RRAS2: variants seen among roughly 807,000 people sequenced by gnomAD.
The protein encoded by RRAS2 is RAS related 2.
Under a neutral mutation model 27.6 loss-of-function variants are expected in RRAS2, and 7 were observed. That is an observed-to-expected ratio of 0.25 (90% confidence interval 0.14 to 0.48). The LOEUF is 0.48. Among genes scored for constraint, RRAS2 ranks in the 20% least tolerant of loss-of-function variants. The probability of loss-of-function intolerance (pLI) is 0.99; values close to 1 mark genes in which losing one functional copy is unlikely to be tolerated. For missense variants in RRAS2, 178 were observed against 256.2 expected (o/e 0.69, Z 2.08); for synonymous variants, 86 against 90.9 (o/e 0.95, Z 0.31).
At chr11:14,353,110 T>A (rs1469094796) in intron 1 of RRAS2, among the ~76,000 whole-genome samples, 1 of 152,160 alleles carries the variant, frequency 6.6e-6, no homozygotes, top group African/African-American at 2.4e-5. Flanking sequence ...AAATTTTTTT[T>A]AATAGCTTTA....
At chr11:14,281,580 A>T (rs2133943014) in intron 5 of RRAS2, 22 bp downstream of exon 5, 1 of 1,539,186 alleles carries the variant, frequency 6.5e-7, no homozygotes, top group Non-Finnish European at 8.8e-7. Flanking sequence ...TAAAACACAC[A>T]TCTAGAATGT....
intron 1 of RRAS2, among the ~76,000 whole-genome samples, chr11:14,299,418 T>C (rs1449652145): frequency 1.3e-5 from 2 of 152,250 alleles, no homozygotes; most frequent in Non-Finnish European, 2.9e-5. Flanking sequence ...ACTTAAGATC[T>C]GTACACTTTT....
At chr11:14,285,972 A>G (rs1441360838) in intron 4 of RRAS2, among the ~76,000 whole-genome samples, 4 of 151,736 alleles carry the variant, frequency 2.6e-5, no homozygotes, top group Non-Finnish European at 5.9e-5. Context: ...GGATGTGTGT[A>G]TTTTTCATCA....
At chr11:14,302,970 T>C (rs933395667) in intron 1 of RRAS2, among the ~76,000 whole-genome samples, 2 of 152,176 alleles carry the variant, frequency 1.3e-5, no homozygotes, top group African/African-American at 4.8e-5. Context: ...TGCAGGATTG[T>C]TGTGAAAAGT....
Position 14,294,454 on chromosome 11 carries a change from G to T in RRAS2, c.408+17C>A. The T allele has an allele frequency of 6.7e-7, 1 of 1,488,326 alleles. No individual in the cohort carries two copies. Among genetic ancestry groups the T allele is most frequent in the Non-Finnish European group, 9.2e-7 (1 of 1,090,408 alleles). The allele number at this position is 1,488,326 out of a possible 1,614,324, so 92.2% of individuals were successfully genotyped here. ...ATTATAAACAATTGGTTTCCCAACA[G>T]TGAAATTCCTTCTCACCTGTCTTTG... is the stretch of plus-strand genomic sequence containing the variant. On this transcript the variant is annotated intron_variant, in intron 4 of 5. Coordinates refer to ENST00000256196, the MANE Select transcript of RRAS2 (RefSeq NM_012250.6).
chr11:14,336,917 A>G (rs1554952621), intron 1 of RRAS2: 3 of 152,184 alleles, frequency 2.0e-5, no homozygotes, highest in African/African-American at 7.2e-5. Context: ...ACCCAATGAA[A>G]TCTACACCAA....
chr11:14,358,608 G>A lies in RRAS2; in HGVS notation c.108+155C>T. 1 of 983,502 alleles carries A rather than the reference G, an allele frequency of 1.0e-6. No individual in the cohort carries two copies. 60.9% of individuals were successfully genotyped at this position (983,502 alleles called of 1,614,324 possible). Reference sequence around the variant, plus strand: ...AGCGCGACGCTGCGGCCGCAGGGCAGGAGCGTAGTCGGCCCCGCGCCCTCC... The same window carrying A: ...AGCGCGACGCTGCGGCCGCAGGGCAAGAGCGTAGTCGGCCCCGCGCCCTCC... On this transcript the variant is annotated intron_variant, in intron 1 of 5. Transcript: ENST00000256196. The surrounding 1 kb of genome is among the most constrained non-coding windows in gnomAD (Gnocchi z 5.1).
chr11:14,280,437 T>C (rs924824932), intron 5 of RRAS2, among the ~76,000 whole-genome samples: 4 of 151,800 alleles, frequency 2.6e-5, no homozygotes, highest in African/African-American at 9.7e-5. Context: ...AGATACAAAA[T>C]AAATACGCAG....
chr11:14,287,964 GCTTCA>G (rs1246191136), intron 4 of RRAS2, among the ~76,000 whole-genome samples: 1 of 151,922 alleles, frequency 6.6e-6, no homozygotes, highest in African/African-American at 2.4e-5. Context: ...AGGGTTATGT[GCTTCA>G]CTTGTTTTTG....
At chr11:14,283,405 T>C (rs1462654146) in intron 4 of RRAS2, among the ~76,000 whole-genome samples, 1 of 152,214 alleles carries the variant, frequency 6.6e-6, no homozygotes, top group Non-Finnish European at 1.5e-5. Context: ...GGTTTCTGAG[T>C]GCTATGCTGG....
chr11:14,336,879 G>A (rs1848597923), intron 1 of RRAS2: 1 of 152,046 alleles, frequency 6.6e-6, no homozygotes, highest in South Asian at 2.1e-4. Context: ...ACACATTCAA[G>A]AAGTTGAATA....
chr11:14,311,203 G>A (rs1379992111), intron 1 of RRAS2, among the ~76,000 whole-genome samples: 4 of 152,046 alleles, frequency 2.6e-5, no homozygotes, highest in Non-Finnish European at 5.9e-5. Context: ...AAATTGACCC[G>A]GTGTGGTGGG....
At chr11:14,330,108 C>A (rs1235689883) in intron 1 of RRAS2, among the ~76,000 whole-genome samples, 3 of 152,076 alleles carry the variant, frequency 2.0e-5, no homozygotes, top group African/African-American at 7.2e-5. Context: ...TAAAAAATAT[C>A]CAAATGACTC....
chr11:14,293,642 A>C (rs1847471492), intron 4 of RRAS2, among the ~76,000 whole-genome samples: 1 of 152,060 alleles, frequency 6.6e-6, no homozygotes, highest in Non-Finnish European at 1.5e-5. Flanking sequence ...GTCATGTAAG[A>C]CGTGTCTTTG....
At chr11:14,364,129 G>A (rs1849223942), upstream of RRAS2, among the ~76,000 whole-genome samples, 1 of 152,142 alleles carries the variant, frequency 6.6e-6, no homozygotes, top group South Asian at 2.1e-4. Flanking sequence ...TCTTAGAGGA[G>A]GGTGCTCATC....
intron 1 of RRAS2, among the ~76,000 whole-genome samples, chr11:14,298,056 C>G (rs1321067788): frequency 6.6e-6 from 1 of 151,128 alleles, no homozygotes; most frequent in Admixed American, 6.6e-5. Context: ...CATGCCACTT[C>G]AAAAAGTAAA....
At chr11:14,352,762 G>T (rs1046111018) in intron 1 of RRAS2, among the ~76,000 whole-genome samples, 7,834 of 147,410 alleles carry the variant, frequency 0.053, 283 homozygotes, top group African/African-American at 0.096. Flanking sequence ...TATATAGAGA[G>T]AGAGAGAGAG....
At chr11:14,362,466 C>A (rs563021840), upstream of RRAS2, among the ~76,000 whole-genome samples, 20 of 152,266 alleles carry the variant, frequency 1.3e-4, no homozygotes, top group African/African-American at 4.8e-4. Context: ...CAAAAGCATA[C>A]AGCAGAAAGA....
intron 1 of RRAS2, among the ~76,000 whole-genome samples, chr11:14,344,728 G>A (rs1848792124): frequency 2.0e-5 from 3 of 152,136 alleles, no homozygotes; most frequent in Admixed American, 1.3e-4. Flanking sequence ...TACTTCCCAA[G>A]TCAGAATTGC....
Sources: gnomAD v4.1 joint callset for allele counts (sites outside exome capture counted in the v4.1 genomes callset) on GRCh38, gnomAD v4.1.1 for gene constraint, Gnocchi (gnomAD v3.1) non-coding constraint, MANE v1.5 for transcripts, NCBI Gene and HGNC (gene_info 2026-07-23, HGNC 2026-07-21) for gene names.